Variants in SUGCT observed in about 807,000 individuals in gnomAD.
The protein encoded by SUGCT is succinyl-CoA:glutarate-CoA transferase.
Under a neutral mutation model 55.0 loss-of-function variants are expected in SUGCT, and 41 were observed. The observed-to-expected ratio is 0.74, with a 90% CI of 0.58 to 0.97. The LOEUF (loss-of-function observed/expected upper bound fraction) is 0.97. Ranked by LOEUF, SUGCT falls within the 50% of genes least tolerant of loss-of-function variation. SUGCT has a pLI of 0.00. For synonymous variants in SUGCT, 187 were observed against 200.4 expected (o/e 0.93, Z 0.56); for missense variants, 568 against 547.8 (o/e 1.04, Z -0.37).
intron 13 of SUGCT, among the ~76,000 whole-genome samples, chr7:40,809,084 G>A (rs1405770698): frequency 6.6e-6 from 1 of 152,106 alleles, no homozygotes; most frequent in Non-Finnish European, 1.5e-5. Flanking sequence ...CAAAAACATG[G>A]ATTTTGCAAA....
chr7:40,526,931 C>T (rs1302000126), intron 12 of SUGCT, among the ~76,000 whole-genome samples: 1 of 152,104 alleles, frequency 6.6e-6, no homozygotes, highest in Non-Finnish European at 1.5e-5. Context: ...TCGGGTCTAT[C>T]TTGCTATTTG....
intron 12 of SUGCT, among the ~76,000 whole-genome samples, chr7:40,546,307 A>G (rs1410389452): frequency 6.6e-6 from 1 of 152,214 alleles, no homozygotes; most frequent in African/African-American, 2.4e-5. Flanking sequence ...ATTTGATATG[A>G]AATAATTATA....
In SUGCT at chr7:40,449,159, A is replaced by C. The variant is rs958473879; in HGVS notation, c.817-128A>C. ...ATGTATACATATATGAAAAAGATAC[A>C]AATTAATCGATATTGAATTAATAAC... On this transcript the variant is annotated intron_variant, in intron 9 of 13. Transcript: ENST00000335693. 3 of 620,644 alleles carry C rather than the reference A, an allele frequency of 4.8e-6. No individual in the cohort carries two copies. In the East Asian group the frequency reaches 8.4e-5, roughly 17 times the overall value. The allele number at this position is 620,644 out of a possible 1,614,324, so 38.4% of individuals were successfully genotyped here.
At chr7:40,319,489 T>G (rs1355914838) in intron 9 of SUGCT, among the ~76,000 whole-genome samples, 1 of 152,192 alleles carries the variant, frequency 6.6e-6, no homozygotes, top group East Asian at 1.9e-4. Context: ...TTGGGCTGTC[T>G]ATAATGGAAG....
At chr7:40,606,865 C>G (rs1798557814) in intron 12 of SUGCT, among the ~76,000 whole-genome samples, 1 of 152,076 alleles carries the variant, frequency 6.6e-6, no homozygotes, top group African/African-American at 2.4e-5. Flanking sequence ...GAGATTGAGT[C>G]CTTTTTGGGT....
chr7:40,194,838 TC>T, intron 5 of SUGCT, 101 bp from the exon 6 acceptor site: 1 of 1,345,736 alleles, frequency 7.4e-7, no homozygotes, highest in Non-Finnish European at 9.9e-7. Context: ...CTGTGATTTT[TC>T]TGAGCTATTA....
At chr7:40,951,874 T>C in the SUGCT span, among the ~76,000 whole-genome samples, 4 of 152,220 alleles carry the variant, frequency 2.6e-5, no homozygotes, top group African/African-American at 9.6e-5. Context: ...TACTTCCAAC[T>C]ATGTGGTCAA....
rs150260305 is a variant in SUGCT at position 40,392,248 on chromosome 7, C to T, written c.817-57039C>T. ...TGTATACATATGTAACAAACCTGCA[C>T]GTTGTGCACACGTACCCTAGAACTT... On this transcript the variant is annotated intron_variant, in intron 9 of 13. Coordinates refer to ENST00000335693, the MANE Select transcript of SUGCT (RefSeq NM_001193313.2). 2.9e-3 allele frequency among the ~76,000 whole-genome samples: 435 copies of T among 152,054 alleles called. 14 individuals are homozygous for T. The East Asian group carries it at 0.051, about 18-fold the overall frequency.
In SUGCT at chr7:40,233,877, GAATT is replaced by G. The variant is rs367577291; in HGVS notation, c.485-3757_485-3754del. Among the ~76,000 whole-genome samples the G allele has an allele frequency of 3.3e-3, 505 of 152,266 alleles. 4 individuals carry two copies. The highest frequency in any genetic ancestry group is 3.4e-3 in the Non-Finnish European group (233 of 68,030). ...ACATTGAGGCTTAGGAAGATTGAAT[GAATT>G]GTCAAAGATTTAATAGTTGGCAGAA... is the stretch of plus-strand genomic sequence containing the variant. On this transcript the variant is annotated intron_variant, in intron 6 of 13. Transcript: ENST00000335693.
At chr7:40,790,426 C>T (rs1053741884) in intron 13 of SUGCT, among the ~76,000 whole-genome samples, 4 of 152,220 alleles carry the variant, frequency 2.6e-5, no homozygotes, top group South Asian at 2.1e-4. Context: ...TATCCAGTCT[C>T]GAATATTTCT....
chr7:40,950,587 C>G, the SUGCT span, among the ~76,000 whole-genome samples: 1 of 151,968 alleles, frequency 6.6e-6, no homozygotes, highest in African/African-American at 2.4e-5. Flanking sequence ...GACATTGGCT[C>G]TGGGTTTGTC....
At chr7:40,842,028 A>G (rs894911880) in intron 13 of SUGCT, among the ~76,000 whole-genome samples, 3 of 152,236 alleles carry the variant, frequency 2.0e-5, no homozygotes, top group Non-Finnish European at 2.9e-5. Context: ...ACTGGGAAAG[A>G]ATAACCACAG....
Position 40,147,811 on chromosome 7 carries a change from A to G in SUGCT, c.100+12691A>G, listed in dbSNP as rs186465074. On this transcript the variant is annotated intron_variant, in intron 1 of 13. Transcript: ENST00000335693. Reference sequence around the variant, plus strand: ...CCCCAGAGGGGAATGTAATCACAGGAGACCCCCCAAATTGTTATAAAGTTT... The same window carrying G: ...CCCCAGAGGGGAATGTAATCACAGGGGACCCCCCAAATTGTTATAAAGTTT... Among the ~76,000 whole-genome samples, 646 of 152,372 alleles carry G rather than the reference A, an allele frequency of 4.2e-3. 5 individuals are homozygous for G. The highest frequency in any genetic ancestry group is 0.014 in the African/African-American group (600 of 41,590).
At chr7:40,434,578 A>G (rs1194863124) in intron 9 of SUGCT, among the ~76,000 whole-genome samples, 2 of 152,312 alleles carry the variant, frequency 1.3e-5, no homozygotes, top group South Asian at 2.1e-4. Context: ...AGAATTAGTC[A>G]TATAGTCTTT....
intron 8 of SUGCT, among the ~76,000 whole-genome samples, chr7:40,300,946 A>C (rs985927979): frequency 7.9e-5 from 12 of 152,218 alleles, no homozygotes; most frequent in African/African-American, 2.9e-4. Flanking sequence ...AGTTATATTT[A>C]ACAAAAGCAT....
At chr7:40,495,652 G>T (rs1372752576) in intron 11 of SUGCT, among the ~76,000 whole-genome samples, 2 of 152,104 alleles carry the variant, frequency 1.3e-5, no homozygotes, top group Non-Finnish European at 2.9e-5. Context: ...GAAAATCCAT[G>T]TGCTTTTCTG....
At chr7:40,322,235 G>C (rs3857747) in intron 9 of SUGCT, among the ~76,000 whole-genome samples, 104,793 of 151,946 alleles carry the variant, frequency 0.69, 36,434 homozygotes, top group East Asian at 0.99. Context: ...TCCCCATCTT[G>C]TGTCTCTCTC....
At chr7:40,864,353 T>C (rs1178667313), downstream of SUGCT, among the ~76,000 whole-genome samples, 2 of 152,190 alleles carry the variant, frequency 1.3e-5, no homozygotes, top group African/African-American at 4.8e-5. Context: ...GGTTTCACCA[T>C]GTTGGCCAGG....
In SUGCT at chr7:40,422,079, C is replaced by CT. The variant is rs557413958; in HGVS notation, c.817-27193dup. ...ACATGTTTCACGGGACTGTTTGTAC[C>CT]TTTTTTTTTTTTTTTAATCTCCAAA... On this transcript the variant is annotated intron_variant, in intron 9 of 13. Coordinates refer to ENST00000335693, the MANE Select transcript of SUGCT (RefSeq NM_001193313.2). Among the ~76,000 whole-genome samples the CT allele has an allele frequency of 7.4e-3, 967 of 130,200 alleles. 4 individuals are homozygous for CT. The highest frequency in any genetic ancestry group is 0.017 in the African/African-American group (615 of 35,310). 85.4% of individuals were successfully genotyped at this position (130,200 alleles called of 152,430 possible).
Sources: gnomAD v4.1 joint callset for allele counts (sites outside exome capture counted in the v4.1 genomes callset) on GRCh38, gnomAD v4.1.1 for gene constraint, MANE v1.5 for transcripts, NCBI Gene and HGNC (gene_info 2026-07-23, HGNC 2026-07-21) for gene names.